TTC28: variants seen among roughly 807,000 people sequenced by gnomAD.
TTC28 encodes the protein tetratricopeptide repeat protein 28.
In TTC28, 61 loss-of-function variants were observed where a neutral mutation model predicts 198.0. That is an observed-to-expected ratio of 0.31 (90% CI 0.25 to 0.38). TTC28 has a LOEUF of 0.38. TTC28 is among the 10% of genes least tolerant of loss of function. The pLI is 1.00. For synonymous variants in TTC28, 1,171 were observed against 1,297.8 expected (o/e 0.90, Z 2.10); for missense variants, 2,678 against 3,164.0 (o/e 0.85, Z 3.69).
chr22:28,264,191 GT>G (rs1931526624), intron 5 of TTC28, among the ~76,000 whole-genome samples: 1 of 152,052 alleles, frequency 6.6e-6, no homozygotes, highest in Non-Finnish European at 1.5e-5. Context: ...CCATGCTGCT[GT>G]CATGAGAGTG....
At chr22:28,464,179 T>C (rs12166475) in intron 2 of TTC28, among the ~76,000 whole-genome samples, 2 of 152,030 alleles carry the variant, frequency 1.3e-5, no homozygotes, top group African/African-American at 4.8e-5. Flanking sequence ...CCAGAAGAGA[T>C]GGGGAGGAGA....
At chr22:28,536,641 A>G (rs1361940059) in intron 2 of TTC28, among the ~76,000 whole-genome samples, 3 of 152,204 alleles carry the variant, frequency 2.0e-5, no homozygotes, top group Non-Finnish European at 2.9e-5. Context: ...AATAAAAATA[A>G]AAAAACACTA....
chr22:28,247,475 G>C (rs570860632), intron 5 of TTC28, among the ~76,000 whole-genome samples: 13 of 152,064 alleles, frequency 8.5e-5, no homozygotes, highest in African/African-American at 2.9e-4. Context: ...AAGGGTAGGT[G>C]AGAAAAGAGA....
chr22:28,649,916 G>A (rs2051538960), intron 1 of TTC28, among the ~76,000 whole-genome samples: 1 of 152,046 alleles, frequency 6.6e-6, no homozygotes, highest in South Asian at 2.1e-4. Flanking sequence ...AAAAATCCCT[G>A]AGGCAATTAC....
intron 2 of TTC28, among the ~76,000 whole-genome samples, chr22:28,322,703 A>G (rs1215113712): frequency 6.6e-6 from 1 of 152,238 alleles, no homozygotes; most frequent in Non-Finnish European, 1.5e-5. Context: ...TTTTGCTAAT[A>G]TAACAAATGA....
intron 2 of TTC28, among the ~76,000 whole-genome samples, chr22:28,360,129 C>G (rs1158263517): frequency 6.6e-6 from 1 of 152,066 alleles, no homozygotes; most frequent in Non-Finnish European, 1.5e-5. Context: ...TCTCCTCTTT[C>G]TCTCTCTCTC....
At chr22:28,635,784 C>T (rs928049324) in intron 1 of TTC28, among the ~76,000 whole-genome samples, 1 of 152,052 alleles carries the variant, frequency 6.6e-6, no homozygotes, top group African/African-American at 2.4e-5. Flanking sequence ...ATATCCATCA[C>T]CTCACAGAGC....
chr22:28,342,361 T>C (rs2045845150), intron 2 of TTC28, among the ~76,000 whole-genome samples: 1 of 152,220 alleles, frequency 6.6e-6, no homozygotes, highest in South Asian at 2.1e-4. Flanking sequence ...TTAAGATTTA[T>C]ATTATTCTGA....
At chr22:28,419,384 T>C (rs903573866) in intron 2 of TTC28, among the ~76,000 whole-genome samples, 22 of 152,326 alleles carry the variant, frequency 1.4e-4, no homozygotes, top group African/African-American at 4.6e-4. Flanking sequence ...GTTGCTTGCA[T>C]TGATCATCTG....
chr22:28,447,822 A>G (rs748742017), intron 2 of TTC28, among the ~76,000 whole-genome samples: 4 of 152,182 alleles, frequency 2.6e-5, no homozygotes, highest in Non-Finnish European at 5.9e-5. Flanking sequence ...TTTTTTAGGT[A>G]TATTTCCTTT....
At chr22:27,992,840 G>A in intron 18 of TTC28, 177 bp from the exon 19 acceptor site, 1 of 665,342 alleles carries the variant, frequency 1.5e-6, no homozygotes, top group Non-Finnish European at 2.5e-6. Flanking sequence ...TGGTCTCCCA[G>A]GAAGGTGGGT....
intron 2 of TTC28, among the ~76,000 whole-genome samples, chr22:28,393,909 T>C (rs1409651057): frequency 6.6e-6 from 1 of 152,104 alleles, no homozygotes; most frequent in African/African-American, 2.4e-5. Context: ...ACTTACCTTT[T>C]TGTTTTTGTT....
At chr22:28,473,456 T>C (rs1220543130) in intron 2 of TTC28, among the ~76,000 whole-genome samples, 2 of 152,198 alleles carry the variant, frequency 1.3e-5, no homozygotes, top group African/African-American at 4.8e-5. Context: ...AGTTTACTAT[T>C]GCCATGGCAA....
chr22:28,520,593 A>G (rs2048884740), intron 2 of TTC28, among the ~76,000 whole-genome samples: 1 of 152,120 alleles, frequency 6.6e-6, no homozygotes, highest in Non-Finnish European at 1.5e-5. Flanking sequence ...AAGTAAATGA[A>G]CAAATAAACA....
chr22:28,242,523 C>G (rs134186), intron 5 of TTC28, among the ~76,000 whole-genome samples: 48,874 of 152,062 alleles, frequency 0.32, 9,269 homozygotes, highest in Admixed American at 0.48. Context: ...ATTTTTACAA[C>G]TCTTTGAAGA....
At chr22:28,055,198 G>A (rs369312891) in intron 12 of TTC28, among the ~76,000 whole-genome samples, 52 of 152,270 alleles carry the variant, frequency 3.4e-4, no homozygotes, top group Middle Eastern at 3.4e-3. Flanking sequence ...CCCATGCAGC[G>A]AAAAGATAGG....
intron 5 of TTC28, among the ~76,000 whole-genome samples, chr22:28,278,006 C>G (rs767756450): frequency 4.6e-5 from 7 of 152,074 alleles, no homozygotes; most frequent in Non-Finnish European, 7.4e-5. Flanking sequence ...CCTCTCAGTC[C>G]CTGAATGATG....
chr22:28,463,527 T>C, intron 2 of TTC28, among the ~76,000 whole-genome samples: 1 of 152,094 alleles, frequency 6.6e-6, no homozygotes, highest in East Asian at 1.9e-4. Context: ...TGCCCAACAA[T>C]GATAGACTGG....
chr22:28,108,478 T>A, intron 6 of TTC28, 75 bp from the exon 7 acceptor site: 1 of 1,275,172 alleles, frequency 7.8e-7, no homozygotes, highest in Non-Finnish European at 1.0e-6. Flanking sequence ...GTAATTTGCA[T>A]CTCAATTTAT....
Sources: gnomAD v4.1 joint callset for allele counts (sites outside exome capture counted in the v4.1 genomes callset) on GRCh38, gnomAD v4.1.1 for gene constraint, MANE v1.5 for transcripts, NCBI Gene and HGNC (gene_info 2026-07-23, HGNC 2026-07-21) for gene names.